The following PRMT5 variants were observed in gnomAD, a reference collection of about 807,000 sequenced individuals.
The protein encoded by PRMT5 is protein arginine methyltransferase 5.
PRMT5 carries 15 observed loss-of-function variants against 84.0 expected under a neutral mutation model. That is an observed-to-expected ratio of 0.18 (90% CI 0.12 to 0.28). The LOEUF is 0.28. Among genes scored for constraint, PRMT5 ranks in the 10% least tolerant of loss-of-function variants. The pLI, the probability that PRMT5 is intolerant of heterozygous loss-of-function variation, is 1.00. For synonymous variants in PRMT5, 276 were observed against 292.4 expected (o/e 0.94, Z 0.57); for missense variants, 486 against 808.0 (o/e 0.60, Z 4.83).
intron 16 of PRMT5, among the ~76,000 whole-genome samples, chr14:22,921,863 CAGAG>C (rs1480874571): frequency 1.6e-5 from 2 of 125,022 alleles, no homozygotes; most frequent in Non-Finnish European, 3.2e-5. Context: ...GCCTGGGCGA[CAGAG>C]TGAGACTCCG....
At position 22,928,458 on chromosome 14, in the gene PRMT5, T is replaced by C; in HGVS notation, c.229+39A>G. On this transcript the variant is annotated intron_variant, in intron 2 of 16. Coordinates refer to ENST00000324366, the MANE Select transcript of PRMT5 (RefSeq NM_006109.5). This position sits in a 1 kb window ranked among gnomAD's most constrained non-coding sequence, Gnocchi z 4.8. ...GCCCCGATAAAGCAGAAGTTGTTAT[T>C]GCCTCTAATAATTAAGGGGCATATG... 6.6e-7 allele frequency: 1 copy of C among 1,503,900 alleles called. No homozygotes were observed. Among genetic ancestry groups the C allele is most frequent in the Non-Finnish European group, 9.3e-7 (1 of 1,080,220 alleles). The allele number at this position is 1,503,900 out of a possible 1,614,324, so 93.2% of individuals were successfully genotyped here.
intron 13 of PRMT5, 91 bp from the exon 14 acceptor site, chr14:22,922,926 G>A: frequency 3.5e-6 from 5 of 1,423,070 alleles, no homozygotes; most frequent in Non-Finnish European, 4.9e-6. Flanking sequence ...TTACTTTAGT[G>A]CTTCCCCAAT....
intron 3 of PRMT5, 47 bp from the exon 4 acceptor site, chr14:22,927,707 CTTT>C (rs35227863): frequency 6.3e-3 from 8,354 of 1,331,536 alleles, no homozygotes; most frequent in East Asian, 9.2e-3. Flanking sequence ...AAGCAAACAG[CTTT>C]TTTTTTTTTT....
In PRMT5 at chr14:22,924,759, A is replaced by G. The variant is rs1489282259; in HGVS notation, c.940-50T>C. Reference sequence around the variant, plus strand: ...GTTAGCCAGTTTCTGGCAAAGGACAATGCACTAAAATATCAAAAACTTTCC... The same window carrying G: ...GTTAGCCAGTTTCTGGCAAAGGACAGTGCACTAAAATATCAAAAACTTTCC... On this transcript the variant is annotated intron_variant, in intron 8 of 16. Coordinates refer to ENST00000324366, the MANE Select transcript of PRMT5 (RefSeq NM_006109.5). The surrounding 1 kb of genome is among the most constrained non-coding windows in gnomAD (Gnocchi z 6.5). 1 of 1,595,632 alleles carries G rather than the reference A, an allele frequency of 6.3e-7. No homozygotes were observed. Among genetic ancestry groups the G allele is most frequent in the Non-Finnish European group, 8.6e-7 (1 of 1,167,660 alleles).
intron 5 of PRMT5, 41 bp downstream of exon 5, chr14:22,926,661 C>G: frequency 1.2e-6 from 2 of 1,603,050 alleles, no homozygotes; most frequent in South Asian, 2.2e-5. Context: ...TCCCCTCACC[C>G]TATCCCTTGC....
chr14:22,923,872 G>T lies in PRMT5; in HGVS notation c.1375+136C>A. ...TGACTTCATTTGCTAGGGGCACAGA[G>T]GCAGTGAAGCAGTGGCTCTCAAACT... On this transcript the variant is annotated intron_variant, in intron 12 of 16. Transcript: ENST00000324366. The surrounding 1 kb of genome is among the most constrained non-coding windows in gnomAD (Gnocchi z 5.2). The T allele has an allele frequency of 1.1e-6, 1 of 929,902 alleles. No individual in the cohort carries two copies. The highest frequency in any genetic ancestry group is 1.6e-6 in the Non-Finnish European group (1 of 629,996). The allele number at this position is 929,902 out of a possible 1,614,324, so 57.6% of individuals were successfully genotyped here. A position where few individuals can be genotyped will look rare whatever the true frequency, so the allele number is the denominator to read the frequency against.
chr14:22,929,069 C>T, intron 1 of PRMT5, 183 bp downstream of exon 1: 1 of 1,466,880 alleles, frequency 6.8e-7, no homozygotes, highest in Admixed American at 1.8e-5. Context: ...TGACCACAGG[C>T]CTCCCACAAG....
intron 13 of PRMT5, 45 bp from the exon 14 acceptor site, chr14:22,922,880 A>G: frequency 2.6e-6 from 4 of 1,568,614 alleles, no homozygotes; most frequent in Non-Finnish European, 3.5e-6. Context: ...GAAGACACAC[A>G]AGAGAGAACT....
Position 22,923,272 on chromosome 14 carries a change from A to T in PRMT5, c.1376-112T>A. The T allele has an allele frequency of 2.8e-6, 2 of 720,854 alleles. No homozygotes were observed. Among genetic ancestry groups the T allele is most frequent in the South Asian group, 4.1e-5 (2 of 48,592 alleles). The allele number at this position is 720,854 out of a possible 1,614,324, so 44.7% of individuals were successfully genotyped here. The stretch of plus-strand genomic sequence containing the variant: ...CATGTCAAAACCAACCAACGTTGGC[A>T]TGGGCATGGAAGAAAGAGACAAATG... On this transcript the variant is annotated intron_variant, in intron 12 of 16. Transcript: ENST00000324366. The surrounding 1 kb of genome is among the most constrained non-coding windows in gnomAD (Gnocchi z 5.2).
rs551754857 is a variant in PRMT5, at chr14:22,927,403, C to T, written c.450+123G>A. On this transcript the variant is annotated intron_variant, in intron 4 of 16. Transcript: ENST00000324366. ...GGATTACAGGCATCACCCACTGTGC[C>T]CGCCAATACTGATACTTCAATTCTG... 4 of 1,368,622 alleles carry T rather than the reference C, an allele frequency of 2.9e-6. No homozygotes were observed. In the South Asian group the frequency reaches 5.2e-5, roughly 18 times the overall value. 84.8% of individuals were successfully genotyped at this position (1,368,622 alleles called of 1,614,324 possible). A position where few individuals can be genotyped will look rare whatever the true frequency, so the allele number is the denominator to read the frequency against.
At chr14:22,926,098 A>C in intron 7 of PRMT5, 35 bp downstream of exon 7, 1 of 1,558,094 alleles carries the variant, frequency 6.4e-7, no homozygotes, top group South Asian at 1.1e-5. Context: ...CAAGATGTAT[A>C]GCTGGACTAC....
At chr14:22,927,797 T>A in intron 3 of PRMT5, 137 bp from the exon 4 acceptor site, 1 of 1,097,840 alleles carries the variant, frequency 9.1e-7, no homozygotes, top group Non-Finnish European at 1.3e-6. Context: ...AGCCTTGACC[T>A]TCCCAAGCTC....
chr14:22,922,605 G>A, intron 14 of PRMT5, 46 bp from the exon 15 acceptor site: 1 of 1,550,738 alleles, frequency 6.4e-7, no homozygotes, highest in South Asian at 1.1e-5. Flanking sequence ...AGAAGCTCTA[G>A]ACAACTTGAT....
intron 16 of PRMT5, among the ~76,000 whole-genome samples, chr14:22,921,844 T>C (rs2044304242): frequency 7.1e-6 from 1 of 141,786 alleles, no homozygotes; most frequent in African/African-American, 2.7e-5. Flanking sequence ...ATTGTGCCAC[T>C]GCACTCCAGC....
chr14:22,924,323 G>A lies in PRMT5; in HGVS notation c.1146C>T (p.Ala382=), dbSNP rs757634416. The A allele has an allele frequency of 1.1e-5, 17 of 1,614,124 alleles. No individual in the cohort carries two copies. Among genetic ancestry groups the A allele is most frequent in the South Asian group, 7.7e-5 (7 of 91,082 alleles). Residue 382 remains alanine, a synonymous_variant, in exon 11 of 17, where the codon GCC becomes GCT. Coordinates refer to ENST00000324366, the MANE Select transcript of PRMT5 (RefSeq NM_006109.5). This position sits in a 1 kb window ranked among gnomAD's most constrained non-coding sequence, Gnocchi z 6.5. ...VNASLRAAKQ[A]DRRIKLYAVE... is the part of the protein sequence containing the mutation. ...CAGCATACAGCTTTATCCGCCGGTC[G>A]GCCTGCTTGGCTGCCCGCAGGGAAG...
At chr14:22,922,035 C>T in intron 16 of PRMT5, 141 bp downstream of exon 16, 1 of 782,450 alleles carries the variant, frequency 1.3e-6, no homozygotes, top group Admixed American at 2.1e-5. Flanking sequence ...ATACTCCCAA[C>T]ACCTACCACT....
At position 22,922,383 on chromosome 14, in the gene PRMT5, A is replaced by T. The variant is rs1054278598; in HGVS notation, c.1696+60T>A. On this transcript the variant is annotated intron_variant, in intron 15 of 16. Coordinates refer to ENST00000324366, the MANE Select transcript of PRMT5 (RefSeq NM_006109.5). ...CCATAAATCTAAATGACACATGTAC[A>T]TATAAGCTGCCCAGGAAGCACACCC... 4 of 1,461,016 alleles carry T rather than the reference A, an allele frequency of 2.7e-6. No individual in the cohort carries two copies. In the African/African-American group the frequency reaches 5.6e-5, roughly 20 times the overall value. The allele number at this position is 1,461,016 out of a possible 1,614,324, so 90.5% of individuals were successfully genotyped here.
chr14:22,928,230 G>GA lies in PRMT5; in HGVS notation c.230-20dup. On this transcript the variant is annotated intron_variant, in intron 2 of 16. Transcript: ENST00000324366. The surrounding 1 kb of genome is among the most constrained non-coding windows in gnomAD (Gnocchi z 4.8). ...TTCCAGTCTGCACTCCCCCACCCAAGAAAGACAAATACTGAATAAGGTTCA... is the reference window on the plus strand; with the variant it reads ...TTCCAGTCTGCACTCCCCCACCCAAGAAAAGACAAATACTGAATAAGGTTCA... 6.2e-7 allele frequency: 1 copy of GA among 1,610,660 alleles called. No homozygotes were observed. The highest frequency in any genetic ancestry group is 8.5e-7 in the Non-Finnish European group (1 of 1,177,020).
intron 7 of PRMT5, 152 bp from the exon 8 acceptor site, chr14:22,925,192 A>G (rs879703639): frequency 4.2e-5 from 38 of 902,072 alleles, no homozygotes; most frequent in South Asian, 7.8e-5. Context: ...GTCTCGCTCT[A>G]TTGCCCAGGC....
Sources: allele counts gnomAD v4.1 joint callset (sites outside exome capture counted in the v4.1 genomes callset), GRCh38; gene constraint gnomAD v4.1.1; non-coding constraint Gnocchi (gnomAD v3.1); transcripts MANE v1.5; gene names NCBI Gene and HGNC (gene_info 2026-07-23, HGNC 2026-07-21).